The following IFT122 variants were observed in gnomAD, a reference collection of about 807,000 sequenced individuals.
IFT122 encodes the protein intraflagellar transport protein 122 homolog.
IFT122 carries 118 observed loss-of-function variants against 161.6 expected under a neutral mutation model. That is an observed-to-expected ratio of 0.73 (90% CI 0.63 to 0.85). IFT122 has a LOEUF of 0.85. Ranked by LOEUF, IFT122 falls within the 40% of genes least tolerant of loss-of-function variation. IFT122 has a pLI of 0.00. For synonymous variants in IFT122, 550 were observed against 602.4 expected (o/e 0.91, Z 1.27); for missense variants, 1,381 against 1,579.6 (o/e 0.87, Z 2.13).
At chr3:129,501,526 T>G (rs1221870112) in intron 19 of IFT122, among the ~76,000 whole-genome samples, 1 of 152,220 alleles carries the variant, frequency 6.6e-6, no homozygotes, top group Non-Finnish European at 1.5e-5. Flanking sequence ...TTCCCCACAT[T>G]ATTCTTTAAA....
intron 23 of IFT122, among the ~76,000 whole-genome samples, chr3:129,508,198 CT>C (rs966197645): frequency 2.0e-5 from 3 of 152,234 alleles, no homozygotes; most frequent in Non-Finnish European, 2.9e-5. Context: ...GTTTCCTTCT[CT>C]GTGAAACTAG....
At chr3:129,466,425 G>GC (rs2076778037) in intron 7 of IFT122, among the ~76,000 whole-genome samples, 1 of 151,620 alleles carries the variant, frequency 6.6e-6, no homozygotes, top group Admixed American at 6.6e-5. Context: ...GAAGCAGGAG[G>GC]CCCTGTATAC....
At position 129,502,829 on chromosome 3, in the gene IFT122, G is replaced by C; in HGVS notation, c.2494G>C (p.Gly832Arg). The C allele has an allele frequency of 6.2e-7, 1 of 1,613,086 alleles. No homozygotes were observed. The highest frequency in any genetic ancestry group is 8.5e-7 in the Non-Finnish European group (1 of 1,180,038). ...GYAAETYLKMGDLKSLVQLHV... is the reference protein window; with the variant it reads ...GYAAETYLKMRDLKSLVQLHV... The stretch of plus-strand genomic sequence containing the variant: ...TGCTGCTGAGACCTACCTGAAGATG[G>C]GTGACCTCAAGTCCCTGGTGCAGCT... The change falls in exon 20 of 30, where the codon GGT (glycine) becomes CGT (arginine). Residue 832 changes from glycine to arginine, a missense_variant. Gly to Arg is a moderately radical substitution (Grantham distance 125). This residue lies in a region of IFT122 where 496 missense variants were observed against 502.5 expected (regional missense o/e 0.99). Coordinates refer to ENST00000348417, the MANE Select transcript of IFT122 (RefSeq NM_052989.3).
At chr3:129,466,347 A>G (rs991415650) in intron 7 of IFT122, among the ~76,000 whole-genome samples, 3 of 152,026 alleles carry the variant, frequency 2.0e-5, no homozygotes, top group African/African-American at 7.2e-5. Flanking sequence ...CCTGCCCCAG[A>G]GTTCCTGCTG....
intron 17 of IFT122, 68 bp from the exon 18 acceptor site, chr3:129,495,378 A>G: frequency 2.5e-6 from 4 of 1,591,038 alleles, no homozygotes; most frequent in Non-Finnish European, 2.6e-6. Context: ...AGCCACATCT[A>G]ACCTTTGTAA....
chr3:129,470,136 A>G (rs534079230), intron 9 of IFT122, among the ~76,000 whole-genome samples: 1 of 152,326 alleles, frequency 6.6e-6, no homozygotes, highest in Non-Finnish European at 1.5e-5. Context: ...GGAAGGAATG[A>G]AAATATATGA....
chr3:129,495,814 G>A lies in IFT122; in HGVS notation c.2208+207G>A, dbSNP rs3774771. On this transcript the variant is annotated intron_variant, in intron 18 of 29. Coordinates refer to ENST00000348417, the MANE Select transcript of IFT122 (RefSeq NM_052989.3). ...AACTGACCTTTAAGGCTGACACCAAGGGGGCAGACTATGGCAGTTCAGACC... is the reference window on the plus strand; with the variant it reads ...AACTGACCTTTAAGGCTGACACCAAAGGGGCAGACTATGGCAGTTCAGACC... Among the ~76,000 whole-genome samples, 16,118 of 152,258 alleles carry A rather than the reference G, an allele frequency of 0.11. 1,298 individuals are homozygous for A. The highest frequency in any genetic ancestry group is 0.22 in the African/African-American group (9,176 of 41,532).
At chr3:129,442,493 T>C (rs917147493) in intron 1 of IFT122, among the ~76,000 whole-genome samples, 4 of 151,880 alleles carry the variant, frequency 2.6e-5, no homozygotes, top group African/African-American at 9.7e-5. Flanking sequence ...GGATAAGGGA[T>C]GTAGGGGTTC....
At chr3:129,500,160 A>AT (rs1224986442) in intron 19 of IFT122, 92 bp downstream of exon 19, 2 of 1,437,480 alleles carry the variant, frequency 1.4e-6, no homozygotes, top group East Asian at 4.6e-5. Flanking sequence ...TGCTTTTCTA[A>AT]TTATCTAAAG....
At chr3:129,459,789 G>A (rs2076030009) in intron 4 of IFT122, among the ~76,000 whole-genome samples, 1 of 135,020 alleles carries the variant, frequency 7.4e-6, no homozygotes, top group Admixed American at 8.4e-5. Flanking sequence ...TTTCAGTCTT[G>A]CTCTGTCTCC....
At chr3:129,515,454 C>T (rs751536818) in intron 25 of IFT122, 34 bp from the exon 26 acceptor site, 2 of 1,130,778 alleles carry the variant, frequency 1.8e-6, no homozygotes, top group Non-Finnish European at 2.6e-6. Context: ...ACGTGCCTGC[C>T]CCGGCCCCTC....
intron 9 of IFT122, among the ~76,000 whole-genome samples, chr3:129,473,785 C>T (rs2077613466): frequency 6.6e-6 from 1 of 152,208 alleles, no homozygotes; most frequent in African/African-American, 2.4e-5. Context: ...GAGGGCTGCC[C>T]TCAGGCAAAA....
At chr3:129,452,203 G>T in intron 3 of IFT122, 1 of 536,572 alleles carries the variant, frequency 1.9e-6, no homozygotes. Flanking sequence ...TGTTCAAGGT[G>T]CTTGAGTTAC....
rs1559810122 is a variant in IFT122 at position 129,440,227 on chromosome 3, G to T, written c.-104G>T. ...GCGCATGTACGTTGCCAGGGGTAAC[G>T]CAGGTAGCCAAAGTGGCTTGTGGAG... On this transcript the variant is annotated 5_prime_UTR_variant, in exon 1 of 30. Coordinates refer to ENST00000348417, the MANE Select transcript of IFT122 (RefSeq NM_052989.3). 2.1e-6 allele frequency: 3 copies of T among 1,437,602 alleles called. No homozygotes were observed. Among genetic ancestry groups the T allele is most frequent in the East Asian group, 5.0e-5 (2 of 40,358 alleles). 89.1% of individuals were successfully genotyped at this position (1,437,602 alleles called of 1,614,324 possible).
rs2077993642 is a variant in IFT122, at chr3:129,476,771, A to T, written c.1117A>T (p.Ile373Phe). ...YAYRDSMTDV[I>F]VQHLITEQKV... ...CTACAGGGATAGCATGACTGACGTC[A>T]TTGTGCAGCACCTGATCACTGAGCA... is the stretch of plus-strand genomic sequence containing the variant. Residue 373 changes from isoleucine (I) to phenylalanine (F), a missense_variant, in exon 11 of 30, where the codon ATT (isoleucine) becomes TTT (phenylalanine). Transcript: ENST00000348417. 1.2e-6 allele frequency: 2 copies of T among 1,614,064 alleles called. No homozygotes were observed. The highest frequency in any genetic ancestry group is 1.7e-6 in the Non-Finnish European group (2 of 1,180,042).
At chr3:129,493,938 A>G (rs1407201563) in intron 17 of IFT122, among the ~76,000 whole-genome samples, 2 of 152,182 alleles carry the variant, frequency 1.3e-5, no homozygotes, top group African/African-American at 2.4e-5. Context: ...AAAAAAAGTA[A>G]AGTGCCTTTG....
At chr3:129,459,128 A>G (rs2075868009) in intron 4 of IFT122, among the ~76,000 whole-genome samples, 3 of 152,104 alleles carry the variant, frequency 2.0e-5, no homozygotes, top group African/African-American at 7.2e-5. Context: ...TCAGACTCAA[A>G]TGTCAGTTTC....
chr3:129,514,955 C>T, intron 25 of IFT122: 1 of 383,964 alleles, frequency 2.6e-6, no homozygotes, highest in Non-Finnish European at 4.9e-6. Flanking sequence ...CTACCCCACA[C>T]TCCCAACCCA....
At chr3:129,516,904 CAGAGACCGCTCCTGCACACACACGG>C (rs2083880775) in intron 26 of IFT122, among the ~76,000 whole-genome samples, 1 of 138,568 alleles carries the variant, frequency 7.2e-6, no homozygotes. Flanking sequence ...CACAGACACA[CAGAGACCGCTCCTGCACACACACGG>C]AGACTGCCCC....
Sources: gnomAD v4.1 joint callset for allele counts (sites outside exome capture counted in the v4.1 genomes callset) on GRCh38, gnomAD v4.1.1 for gene constraint, gnomAD v4.1.1 regional missense constraint, MANE v1.5 for transcripts, NCBI Gene and HGNC (gene_info 2026-07-23, HGNC 2026-07-21) for gene names.